Variants in MCTP1 observed in about 807,000 individuals in gnomAD.
MCTP1 encodes multiple C2 and transmembrane domain containing 1.
Under a neutral mutation model 120.6 loss-of-function variants are expected in MCTP1, and 69 were observed. The observed-to-expected ratio is 0.57, with a 90% CI of 0.47 to 0.70. The LOEUF (loss-of-function observed/expected upper bound fraction) is 0.70, where lower values mean the gene tolerates loss of function less well. Ranked by LOEUF, MCTP1 falls within the 30% of genes least tolerant of loss-of-function variation. The probability of loss-of-function intolerance (pLI) is 0.00; values close to 1 mark genes in which losing one functional copy is unlikely to be tolerated. For missense variants in MCTP1, 1,203 were observed against 1,248.8 expected, an observed-to-expected ratio of 0.96 and a Z score of 0.55; for synonymous variants, 529 against 493.1, an observed-to-expected ratio of 1.07 and a Z score of -0.96.
chr5:95,247,284 T>C (rs185416879), intron 1 of MCTP1, among the ~76,000 whole-genome samples: 7 of 152,310 alleles, frequency 4.6e-5, no homozygotes, highest in Non-Finnish European at 8.8e-5. Flanking sequence ...TTCTCTCTTT[T>C]CTTCTTTATT....
chr5:94,935,482 T>C (rs999241262), intron 5 of MCTP1, among the ~76,000 whole-genome samples: 4 of 152,092 alleles, frequency 2.6e-5, no homozygotes, highest in African/African-American at 9.6e-5. Flanking sequence ...CATTTCTTCC[T>C]ACCTTGCCAG....
rs189465211 is a variant in MCTP1, at chr5:94,765,103, C to A, written c.2610+14007G>T. 1.2e-3 allele frequency among the ~76,000 whole-genome samples: 186 copies of A among 152,030 alleles called. 1 individual carries two copies. Among genetic ancestry groups the A allele is most frequent in the African/African-American group, 4.2e-3 (173 of 41,460 alleles). On this transcript the variant is annotated intron_variant, in intron 19 of 22. Transcript: ENST00000515393. The stretch of plus-strand genomic sequence containing the variant: ...ATCAATAAAAAGAGGACTTTGGGAA[C>A]TGTATAAATATATGGAAAGGAAACA...
At position 95,284,378 on chromosome 5, in the gene MCTP1, A is replaced by G. The variant is rs1393981459; in HGVS notation, c.198T>C (p.Asn66=). 1 of 1,594,946 alleles carries G rather than the reference A, an allele frequency of 6.3e-7. No individual in the cohort carries two copies. The highest frequency in any genetic ancestry group is 8.5e-7 in the Non-Finnish European group (1 of 1,178,694). ...PSPPPPVGTG[N]APARGSGAGS... ...CTGCACCACTCCCCCTGGCCGGTGC[A>G]TTCCCTGTGCCCACCGGGGGTGGCG... Residue 66 remains asparagine, a synonymous_variant, in exon 1 of 23, where the codon AAT becomes AAC. Transcript: ENST00000515393. The surrounding 1 kb of genome is among the most constrained non-coding windows in gnomAD (Gnocchi z 5.2).
At chr5:94,832,225 C>T (rs1788675397) in intron 17 of MCTP1, among the ~76,000 whole-genome samples, 1 of 132,580 alleles carries the variant, frequency 7.5e-6, no homozygotes, top group Admixed American at 7.7e-5. Flanking sequence ...CTTTATAATG[C>T]ATTCCCTCCT....
intron 1 of MCTP1, among the ~76,000 whole-genome samples, chr5:95,196,617 T>C (rs1750423933): frequency 6.6e-6 from 1 of 152,154 alleles, no homozygotes; most frequent in African/African-American, 2.4e-5. Flanking sequence ...AGAAATCCTA[T>C]AAGTATATGC....
intron 1 of MCTP1, among the ~76,000 whole-genome samples, chr5:95,120,045 C>T (rs983309709): frequency 7.9e-5 from 12 of 151,696 alleles, no homozygotes; most frequent in East Asian, 5.8e-4. Flanking sequence ...GGCATGGTGG[C>T]GGGTGCCTGT....
intron 2 of MCTP1, among the ~76,000 whole-genome samples, chr5:95,013,099 G>A (rs1346351979): frequency 6.6e-6 from 1 of 152,096 alleles, no homozygotes; most frequent in East Asian, 1.9e-4. Context: ...TATAGAGAAA[G>A]TGGGTGGTCT....
At chr5:94,839,284 A>G (rs1267694357) in intron 17 of MCTP1, among the ~76,000 whole-genome samples, 1 of 152,164 alleles carries the variant, frequency 6.6e-6, no homozygotes, top group Non-Finnish European at 1.5e-5. Context: ...TATCCACAAA[A>G]TTTTATAATC....
intron 1 of MCTP1, among the ~76,000 whole-genome samples, chr5:95,217,722 T>C (rs1222859803): frequency 6.6e-6 from 1 of 152,180 alleles, no homozygotes; most frequent in South Asian, 2.1e-4. Flanking sequence ...CACTTACTAA[T>C]ATACCAAATA....
At chr5:94,785,761 T>A (rs1171935852) in intron 18 of MCTP1, among the ~76,000 whole-genome samples, 2 of 152,064 alleles carry the variant, frequency 1.3e-5, no homozygotes, top group Non-Finnish European at 2.9e-5. Flanking sequence ...TGTTTTTAAG[T>A]GTCTAATAAA....
At chr5:95,231,887 C>T (rs748336702) in intron 1 of MCTP1, among the ~76,000 whole-genome samples, 1 of 151,988 alleles carries the variant, frequency 6.6e-6, no homozygotes, top group Non-Finnish European at 1.5e-5. Context: ...GGATATAGTA[C>T]TTGAAAGTAG....
chr5:94,736,491 A>T (rs11135411), intron 19 of MCTP1, among the ~76,000 whole-genome samples: 35,094 of 151,832 alleles, frequency 0.23, 4,244 homozygotes, highest in East Asian at 0.4. Context: ...TCAAAAAAAA[A>T]TTTTTTTGGG....
chr5:95,217,391 C>CA lies in MCTP1; in HGVS notation c.720+66464dup, dbSNP rs753467273. The stretch of plus-strand genomic sequence containing the variant: ...TTATCGAAGCACTTATATAATTTGA[C>CA]AAAAGTTCAGTCAGAACAACAAATA... On this transcript the variant is annotated intron_variant, in intron 1 of 22. Transcript: ENST00000515393. 3.5e-4 allele frequency among the ~76,000 whole-genome samples: 53 copies of CA among 152,188 alleles called. No individual in the cohort carries two copies. The East Asian group carries it at 8.1e-3, about 23-fold the overall frequency.
In MCTP1 at chr5:95,100,498, A is replaced by C. The variant is rs370269427; in HGVS notation, c.721-83014T>G. ...CAAAAATCAATAAAAAAATAAGTTA[A>C]CTGTTAAGGAAATGAAAATACAAGT... On this transcript the variant is annotated intron_variant, in intron 1 of 22. Transcript: ENST00000515393. 3.3e-5 allele frequency among the ~76,000 whole-genome samples: 5 copies of C among 152,350 alleles called. No homozygotes were observed. In the East Asian group the frequency reaches 9.6e-4, roughly 29 times the overall value.
intron 1 of MCTP1, 48 bp downstream of exon 1, chr5:95,283,808 A>G: frequency 7.7e-7 from 1 of 1,304,124 alleles, no homozygotes; most frequent in Admixed American, 4.1e-5. Context: ...CTGAAGAGGG[A>G]GGCGTGGTCC....
intron 19 of MCTP1, among the ~76,000 whole-genome samples, chr5:94,776,557 T>G (rs1214706903): frequency 6.6e-6 from 1 of 152,180 alleles, no homozygotes; most frequent in Non-Finnish European, 1.5e-5. Flanking sequence ...TTCCAACATA[T>G]GCTTCAGGTT....
intron 1 of MCTP1, among the ~76,000 whole-genome samples, chr5:95,105,388 AT>A (rs1352500448): frequency 6.6e-6 from 1 of 152,018 alleles, no homozygotes; most frequent in East Asian, 1.9e-4. Context: ...TAGAAACTAA[AT>A]TTTTCATGGA....
chr5:95,043,383 C>A (rs1288436485), intron 1 of MCTP1, among the ~76,000 whole-genome samples: 1 of 152,096 alleles, frequency 6.6e-6, no homozygotes, highest in Non-Finnish European at 1.5e-5. Context: ...CCACTAAGAC[C>A]AGGGCTGTCC....
intron 1 of MCTP1, among the ~76,000 whole-genome samples, chr5:95,070,052 T>C (rs1256267651): frequency 6.6e-6 from 1 of 152,120 alleles, no homozygotes; most frequent in Admixed American, 6.5e-5. Flanking sequence ...TTACAAACTT[T>C]AGAAACCACA....
Sources: allele counts gnomAD v4.1 joint callset (sites outside exome capture counted in the v4.1 genomes callset), GRCh38; gene constraint gnomAD v4.1.1; non-coding constraint Gnocchi (gnomAD v3.1); transcripts MANE v1.5; gene names NCBI Gene and HGNC (gene_info 2026-07-23, HGNC 2026-07-21).